ANKRD30A: variants seen among roughly 807,000 people sequenced by gnomAD.
ANKRD30A encodes the protein ankyrin repeat domain-containing protein 30A.
Under a neutral mutation model 166.3 loss-of-function variants are expected in ANKRD30A, and 170 were observed. The ratio of observed to expected loss-of-function variants is 1.02; its 90% CI spans 0.90 to 1.16. The LOEUF (loss-of-function observed/expected upper bound fraction) is 1.16, where lower values mean the gene tolerates loss of function less well. Ranked by LOEUF, ANKRD30A falls within the 50% of genes most tolerant of loss-of-function variation. The probability of loss-of-function intolerance (pLI) is 0.00; values close to 1 mark genes in which losing one functional copy is unlikely to be tolerated. For missense variants in ANKRD30A, 1,630 were observed against 1,518.0 expected, an observed-to-expected ratio of 1.07 and a Z score of -1.23; for synonymous variants, 564 against 508.9, an observed-to-expected ratio of 1.11 and a Z score of -1.46.
the ANKRD30A span, among the ~76,000 whole-genome samples, chr10:37,252,935 G>A: frequency 6.6e-6 from 1 of 152,032 alleles, no homozygotes; most frequent in Non-Finnish European, 1.5e-5. Context: ...TTAGACAAAT[G>A]CCCTTTATGT....
chr10:37,222,216 A>G (rs1842930822), intron 34 of ANKRD30A, among the ~76,000 whole-genome samples: 1 of 151,214 alleles, frequency 6.6e-6, no homozygotes, highest in Admixed American at 6.6e-5. Flanking sequence ...TCATCACCCT[A>G]AAGAGAAACT....
intron 6 of ANKRD30A, 49 bp from the exon 7 acceptor site, chr10:37,141,669 G>C (rs1255363944): frequency 6.3e-7 from 1 of 1,599,554 alleles, no homozygotes; most frequent in Admixed American, 1.7e-5. Flanking sequence ...AGAGTCAGGA[G>C]GATGATATTT....
At chr10:37,225,080 A>G (rs1191843791) in intron 34 of ANKRD30A, among the ~76,000 whole-genome samples, 2 of 151,302 alleles carry the variant, frequency 1.3e-5, no homozygotes, top group African/African-American at 2.4e-5. Flanking sequence ...ATGCAAAAGT[A>G]ATCATGGTTC....
chr10:37,228,447 GA>G (rs1163768202), intron 34 of ANKRD30A, among the ~76,000 whole-genome samples: 12 of 151,978 alleles, frequency 7.9e-5, no homozygotes, highest in African/African-American at 2.7e-4. Flanking sequence ...TTGAAGAAAG[GA>G]AAATGAATAG....
Position 37,132,341 on chromosome 10 carries a change from T to C in ANKRD30A, c.612T>C (p.Tyr204=). Residue 204 remains tyrosine (Y), a synonymous_variant, in exon 4 of 36, where the codon TAT becomes TAC. Transcript: ENST00000361713. ...CAAATGCGAATGCAGTTAATAAGTATAAATGGTATAGTAGTTCTTTTTTTA... is the reference window on the plus strand; with the variant it reads ...CAAATGCGAATGCAGTTAATAAGTACAAATGGTATAGTAGTTCTTTTTTTA... The part of the protein sequence containing the change: ...KNANANAVNK[Y]KCTALMLAVC... 1 of 1,572,846 alleles carries C rather than the reference T, an allele frequency of 6.4e-7. No individual in the cohort carries two copies. The highest frequency in any genetic ancestry group is 1.2e-5 in the South Asian group (1 of 83,810).
chr10:37,136,702 T>C lies in ANKRD30A; in HGVS notation c.820+31T>C, dbSNP rs909815469. The C allele has an allele frequency of 2.4e-6, 3 of 1,253,452 alleles. No individual in the cohort carries two copies. The African/African-American group carries it at 4.6e-5, about 19-fold the overall frequency. 77.6% of individuals were successfully genotyped at this position (1,253,452 alleles called of 1,614,324 possible). A position where few individuals can be genotyped will look rare whatever the true frequency, so the allele number is the denominator to read the frequency against. On this transcript the variant is annotated intron_variant, in intron 6 of 35. Coordinates refer to ENST00000361713, the MANE Select transcript of ANKRD30A (RefSeq NM_052997.3). ...ACTTCTGATAGTAAACTACCCTTGG[T>C]GGTGCTATCATAAGATTATGGAAGT... is the stretch of plus-strand genomic sequence containing the variant.
rs749036981 is a variant in ANKRD30A, at chr10:37,196,093, A to ATTTTTTTTT, written c.2615-1177_2615-1169dup. On this transcript the variant is annotated intron_variant, in intron 27 of 35. Transcript: ENST00000361713. ...AGTTAGAGGTTTTTTTATATTTTCT[A>ATTTTTTTTT]TTTTTTTTTTTTTTTTTTTGTAGTA... Among the ~76,000 whole-genome samples the ATTTTTTTTT allele has an allele frequency of 2.0e-4, 26 of 129,428 alleles. 1 individual carries two copies. Among genetic ancestry groups the ATTTTTTTTT allele is most frequent in the Non-Finnish European group, 2.6e-4 (16 of 62,480 alleles). 84.9% of individuals were successfully genotyped at this position (129,428 alleles called of 152,430 possible).
rs374024060 is a variant in ANKRD30A, at chr10:37,142,015, C to G, written c.1118C>G (p.Thr373Arg). The change falls in exon 7 of 36, where the codon ACG becomes AGG. Residue 373 changes from threonine (T) to arginine (R), a missense_variant. Transcript: ENST00000361713. ...SPAKETSEKFTWPAKGRPRKI... is the reference protein window; with the variant it reads ...SPAKETSEKFRWPAKGRPRKI... Reference sequence around the variant, plus strand: ...GCAAAAGAAACATCTGAGAAATTTACGTGGCCAGCAAAAGGAAGACCTAGG... The same window carrying G: ...GCAAAAGAAACATCTGAGAAATTTAGGTGGCCAGCAAAAGGAAGACCTAGG... 1 of 1,613,876 alleles carries G rather than the reference C, an allele frequency of 6.2e-7. No homozygotes were observed. Among genetic ancestry groups the G allele is most frequent in the Middle Eastern group, 1.6e-4 (1 of 6,062 alleles).
rs751426865 is a variant in ANKRD30A, at chr10:37,220,118, A to G, written c.4185+221A>G. 5.4e-4 allele frequency among the ~76,000 whole-genome samples: 80 copies of G among 148,938 alleles called. 1 individual carries two copies. The highest frequency in any genetic ancestry group is 1.0e-3 in the Non-Finnish European group (67 of 66,624). ...TTCCACCAAATGAAAGTTAAAGCTG[A>G]GAGACGTTTTACTTTGAGTAAAGAC... On this transcript the variant is annotated intron_variant, in intron 34 of 35. Coordinates refer to ENST00000361713, the MANE Select transcript of ANKRD30A (RefSeq NM_052997.3).
intron 6 of ANKRD30A, among the ~76,000 whole-genome samples, chr10:37,138,444 G>A (rs1434368257): frequency 2.0e-5 from 3 of 152,104 alleles, no homozygotes; most frequent in Non-Finnish European, 4.4e-5. Flanking sequence ...AAAGGAGGAA[G>A]TTCGAACCCA....
At chr10:37,127,456 C>CG (rs1372997883) in intron 1 of ANKRD30A, among the ~76,000 whole-genome samples, 2 of 152,048 alleles carry the variant, frequency 1.3e-5, no homozygotes, top group African/African-American at 4.8e-5. Context: ...AGTCACCCTG[C>CG]ATATGAGAAA....
intron 7 of ANKRD30A, 76 bp downstream of exon 7, chr10:37,142,366 T>A: frequency 7.4e-7 from 1 of 1,345,574 alleles, no homozygotes; most frequent in Non-Finnish European, 1.0e-6. Flanking sequence ...GATATGGGAG[T>A]AGTTGGGAAT....
At chr10:37,155,925 CA>C (rs1169046354) in intron 13 of ANKRD30A, among the ~76,000 whole-genome samples, 1 of 151,690 alleles carries the variant, frequency 6.6e-6, no homozygotes, top group Non-Finnish European at 1.5e-5. Flanking sequence ...ACTAAAAATA[CA>C]AAAAATTAGC....
intron 34 of ANKRD30A, among the ~76,000 whole-genome samples, chr10:37,222,932 T>A (rs576174663): frequency 6.6e-6 from 1 of 151,530 alleles, no homozygotes; most frequent in Admixed American, 6.6e-5. Context: ...ATTGTGTAAA[T>A]TGAAAATATT....
chr10:37,219,612 C>A lies in ANKRD30A; in HGVS notation c.3900C>A (p.His1300Gln). 1 of 1,610,168 alleles carries A rather than the reference C, an allele frequency of 6.2e-7. No homozygotes were observed. The highest frequency in any genetic ancestry group is 8.5e-7 in the Non-Finnish European group (1 of 1,177,622). ...ETQCQMKEAEHMYQNEQDNVN... is the reference protein window; with the variant it reads ...ETQCQMKEAEQMYQNEQDNVN... ...AGTGTCAAATGAAGGAAGCTGAACA[C>A]ATGTATCAAAACGAACAAGATAATG... is the stretch of plus-strand genomic sequence containing the variant. Residue 1300 changes from histidine (H) to glutamine (Q), a missense_variant, in exon 34 of 36, where the codon CAC (histidine) becomes CAA (glutamine). His to Gln is a conservative substitution (Grantham distance 24, BLOSUM62 0). This residue lies in a region of ANKRD30A where 712 missense variants were observed against 629.3 expected (regional missense o/e 1.13). Coordinates refer to ENST00000361713, the MANE Select transcript of ANKRD30A (RefSeq NM_052997.3).
At chr10:37,192,383 A>G (rs940485831) in intron 25 of ANKRD30A, among the ~76,000 whole-genome samples, 4 of 152,008 alleles carry the variant, frequency 2.6e-5, no homozygotes, top group African/African-American at 4.8e-5. Flanking sequence ...ACCTTTTTGT[A>G]TAAGTGGATC....
intron 21 of ANKRD30A, among the ~76,000 whole-genome samples, chr10:37,171,227 T>C (rs1588857279): frequency 7.6e-6 from 1 of 132,112 alleles, no homozygotes; most frequent in East Asian, 2.0e-4. Context: ...TAAGGCCTCA[T>C]AGTTTGCCAT....
intron 13 of ANKRD30A, among the ~76,000 whole-genome samples, chr10:37,154,001 A>T (rs17606214): frequency 2.0e-5 from 3 of 152,214 alleles, no homozygotes; most frequent in African/African-American, 4.8e-5. Flanking sequence ...GCAGGTTTAT[A>T]TAGTGGAGGA....
chr10:37,148,708 A>C (rs998901355), intron 9 of ANKRD30A, among the ~76,000 whole-genome samples: 5 of 152,044 alleles, frequency 3.3e-5, no homozygotes, highest in African/African-American at 1.2e-4. Context: ...CTATGTTACA[A>C]TCAGGCATGA....
Sources: allele counts gnomAD v4.1 joint callset (sites outside exome capture counted in the v4.1 genomes callset), GRCh38; gene constraint gnomAD v4.1.1; regional missense constraint gnomAD v4.1.1; transcripts MANE v1.5; gene names NCBI Gene and HGNC (gene_info 2026-07-23, HGNC 2026-07-21).